Variants in STK26 observed in about 807,000 individuals in gnomAD.
The protein encoded by STK26 is serine/threonine kinase 26.
Under a neutral mutation model 34.7 loss-of-function variants are expected in STK26, and 14 were observed. That is an observed-to-expected ratio of 0.40 (90% CI 0.27 to 0.63). STK26 has a LOEUF of 0.63. Ranked by LOEUF, STK26 falls within the 30% of genes least tolerant of loss-of-function variation. The pLI, the probability that STK26 is intolerant of heterozygous loss-of-function variation, is 0.38. For missense variants in STK26, 226 were observed against 309.1 expected (o/e 0.73, Z 2.02); for synonymous variants, 100 against 109.8 (o/e 0.91, Z 0.56).
chrX:132,058,019 A>G (rs1202671537), intron 3 of STK26, among the ~76,000 whole-genome samples: 1 of 112,041 alleles, frequency 8.9e-6, no homozygotes, highest in East Asian at 2.8e-4. Flanking sequence ...TTTCTATCCA[A>G]TTTCAGCATT....
At chrX:132,059,105 A>G (rs1926962335) in intron 3 of STK26, among the ~76,000 whole-genome samples, 1 of 111,965 alleles carries the variant, frequency 8.9e-6, no homozygotes, top group African/African-American at 3.2e-5. Context: ...CACGTCAAAT[A>G]TAACAGGATT....
intron 2 of STK26, among the ~76,000 whole-genome samples, chrX:132,024,973 T>TA (rs986063953): frequency 9.2e-5 from 10 of 108,584 alleles, no homozygotes; most frequent in East Asian, 2.9e-4. Context: ...TAGTAGGGCT[T>TA]AAAAAAAAAG....
intron 2 of STK26, among the ~76,000 whole-genome samples, chrX:132,048,240 G>A (rs765064905): frequency 1.7e-4 from 19 of 111,202 alleles, no homozygotes; most frequent in Non-Finnish European, 3.2e-4. Flanking sequence ...ATACAATTTT[G>A]TCAGTTTAAA....
At chrX:132,045,573 C>T (rs1434626762) in intron 2 of STK26, among the ~76,000 whole-genome samples, 1 of 112,208 alleles carries the variant, frequency 8.9e-6, no homozygotes, top group African/African-American at 3.2e-5. Flanking sequence ...CCTCTCTGCT[C>T]TCTTTACCTC....
intron 2 of STK26, among the ~76,000 whole-genome samples, chrX:132,039,074 C>G (rs1035602450): frequency 1.8e-5 from 2 of 110,751 alleles, no homozygotes; most frequent in African/African-American, 6.6e-5. Flanking sequence ...TATCCTGTTC[C>G]AGGATAGAGA....
At chrX:132,029,524 C>G (rs1000840519) in intron 2 of STK26, among the ~76,000 whole-genome samples, 2 of 109,838 alleles carry the variant, frequency 1.8e-5, no homozygotes, top group Non-Finnish European at 3.8e-5. Context: ...TGATAACCCA[C>G]ATTTTTCTTT....
At chrX:132,050,710 A>G (rs1926657805) in intron 2 of STK26, among the ~76,000 whole-genome samples, 1 of 112,118 alleles carries the variant, frequency 8.9e-6, no homozygotes, top group Admixed American at 9.5e-5. Flanking sequence ...AAATATAGGT[A>G]TGTATAGTAA....
intron 4 of STK26, 46 bp from the exon 5 acceptor site, chrX:132,068,169 A>G (rs1927281874): frequency 2.9e-6 from 3 of 1,028,341 alleles, no homozygotes; most frequent in Non-Finnish European, 3.9e-6. Flanking sequence ...TATGTTTCCA[A>G]ACTTTTACAC....
At chrX:132,027,605 C>T (rs748004088) in intron 2 of STK26, among the ~76,000 whole-genome samples, 2 of 111,372 alleles carry the variant, frequency 1.8e-5, no homozygotes, top group South Asian at 7.6e-4. Context: ...GTCATTTGGG[C>T]TGTCATAGAG....
intron 2 of STK26, among the ~76,000 whole-genome samples, chrX:132,037,746 A>G (rs189028490): frequency 1.0e-5 from 1 of 99,985 alleles, no homozygotes; most frequent in Non-Finnish European, 2.0e-5. Flanking sequence ...TGTGACAAAC[A>G]AAGTCTTGTA....
chrX:132,050,127 G>C (rs1270392303), intron 2 of STK26, among the ~76,000 whole-genome samples: 1 of 111,019 alleles, frequency 9.0e-6, no homozygotes, highest in African/African-American at 3.3e-5. Flanking sequence ...AGAACTCCAA[G>C]ACTAATTCTA....
At chrX:132,024,301 C>T (rs1273575971) in intron 2 of STK26, among the ~76,000 whole-genome samples, 1 of 111,576 alleles carries the variant, frequency 9.0e-6, no homozygotes, top group Non-Finnish European at 1.9e-5. Flanking sequence ...CCCTCCGTGC[C>T]TTTCCCACAA....
rs776577670 is a variant in STK26, at chrX:132,054,722, G to A, written c.134G>A (p.Arg45His). ...FGEVFKGIDN[R>H]TQQVVAIKII... Reference sequence around the variant, plus strand: ...GAAGTTTTCAAAGGAATTGATAACCGTACCCAGCAAGTCGTTGCTATTAAA... The same window carrying A: ...GAAGTTTTCAAAGGAATTGATAACCATACCCAGCAAGTCGTTGCTATTAAA... The change falls in exon 3 of 12, where the codon CGT becomes CAT. Residue 45 changes from arginine to histidine, a missense_variant. Physicochemically the swap from Arg to His is conservative, Grantham distance 29. Coordinates refer to ENST00000394334, the MANE Select transcript of STK26 (RefSeq NM_016542.4). 34 of 1,209,398 alleles carry A rather than the reference G, an allele frequency of 2.8e-5. No individual in the cohort carries two copies. The highest frequency in any genetic ancestry group is 3.5e-5 in the South Asian group (2 of 56,796).
At chrX:132,044,770 GAGATCTATATATATATTTATATATAT>G (rs1380070770) in intron 2 of STK26, among the ~76,000 whole-genome samples, 464 of 38,432 alleles carry the variant, frequency 0.012, 23 homozygotes, top group Middle Eastern at 0.079. Context: ...TATATATAGA[GAGATCTATATATATATTTATATATAT>G]AGAGAGAGAT....
chrX:132,048,358 A>G (rs1184812212), intron 2 of STK26, among the ~76,000 whole-genome samples: 1 of 111,984 alleles, frequency 8.9e-6, no homozygotes, highest in African/African-American at 3.2e-5. Context: ...GGGATAGTAC[A>G]GAGTAGACAT....
At chrX:132,072,491 G>T in intron 9 of STK26, 130 bp downstream of exon 9, 2 of 546,553 alleles carry the variant, frequency 3.7e-6, no homozygotes, top group Non-Finnish European at 2.9e-6. Flanking sequence ...TTTGTAGTAT[G>T]CTTCATTTGT....
At chrX:132,053,274 G>GA (rs1297786852) in intron 2 of STK26, among the ~76,000 whole-genome samples, 1 of 111,239 alleles carries the variant, frequency 9.0e-6, no homozygotes, top group Admixed American at 9.6e-5. Context: ...TTTAGAAATG[G>GA]AAAAAAATCC....
At chrX:132,023,471 GC>G (rs1935028461) in intron 1 of STK26, 36 bp from the exon 2 acceptor site, 1 of 749,130 alleles carries the variant, frequency 1.3e-6, no homozygotes, top group Non-Finnish European at 2.0e-6. Flanking sequence ...GCTACGCGCC[GC>G]CAGCCCAGTA....
chrX:132,044,627 TTCTCTCTCTCTCTCTCTCTCTCTCTCTC>T (rs202173059), intron 2 of STK26, among the ~76,000 whole-genome samples: 1 of 43,094 alleles, frequency 2.3e-5, no homozygotes, highest in African/African-American at 9.6e-5. Context: ...GATGTTCAAA[TTCTCTCTCTCTCTCTCTCTCTCTCTCTC>T]TCTCTCTCTC....
Sources: allele counts gnomAD v4.1 joint callset (sites outside exome capture counted in the v4.1 genomes callset), GRCh38; gene constraint gnomAD v4.1.1; transcripts MANE v1.5; gene names NCBI Gene and HGNC (gene_info 2026-07-23, HGNC 2026-07-21).